Variants in GRIK4 observed in about 807,000 individuals in gnomAD.
The protein encoded by GRIK4 is glutamate receptor ionotropic, kainate 4.
A neutral mutation model predicts 104.9 loss-of-function variants in GRIK4; 40 were observed. The observed-to-expected ratio is 0.38, with a 90% CI of 0.30 to 0.50. GRIK4 has a LOEUF of 0.50. Among genes scored for constraint, GRIK4 ranks in the 20% least tolerant of loss-of-function variants. The pLI, the probability that GRIK4 is intolerant of heterozygous loss-of-function variation, is 0.93. For synonymous variants in GRIK4, 485 were observed against 524.9 expected (o/e 0.92, Z 1.04); for missense variants, 1,047 against 1,308.1 (o/e 0.80, Z 3.08).
intron 1 of GRIK4, among the ~76,000 whole-genome samples, chr11:120,634,607 GGGACCCACTC>G (rs138678816): frequency 0.014 from 2,085 of 152,242 alleles, 121 homozygotes; most frequent in Admixed American, 0.09. Context: ...TGTTCCTCTA[GGGACCCACTC>G]GGAATTGAGT....
chr11:120,573,884 G>A (rs1035762832), intron 1 of GRIK4, among the ~76,000 whole-genome samples: 1 of 152,194 alleles, frequency 6.6e-6, no homozygotes, highest in African/African-American at 2.4e-5. Flanking sequence ...CATCCCAGAG[G>A]CCCACACTGA....
intron 1 of GRIK4, among the ~76,000 whole-genome samples, chr11:120,640,771 C>G (rs866919437): frequency 6.6e-6 from 1 of 151,666 alleles, no homozygotes; most frequent in Admixed American, 6.6e-5. Context: ...TGCTGTGGCG[C>G]GATCTCAGCT....
chr11:120,553,984 C>CT (rs1025565155), intron 1 of GRIK4, among the ~76,000 whole-genome samples: 7 of 152,146 alleles, frequency 4.6e-5, no homozygotes, highest in African/African-American at 1.7e-4. Flanking sequence ...AGAGAAGCCA[C>CT]TTTGGAGGCT....
At chr11:120,644,432 A>G (rs1949515205) in intron 1 of GRIK4, among the ~76,000 whole-genome samples, 1 of 152,172 alleles carries the variant, frequency 6.6e-6, no homozygotes, top group Non-Finnish European at 1.5e-5. Context: ...TAGCCCCGTG[A>G]GGTAGGTACT....
chr11:120,839,654 G>A (rs1953666614), intron 8 of GRIK4, among the ~76,000 whole-genome samples: 2 of 152,220 alleles, frequency 1.3e-5, no homozygotes, highest in South Asian at 4.1e-4. Flanking sequence ...TTCCAGATAA[G>A]AAATAGGACT....
At position 120,905,665 on chromosome 11, in the gene GRIK4, C is replaced by T. The variant is rs1055624702; in HGVS notation, c.1476+172C>T. On this transcript the variant is annotated intron_variant, in intron 13 of 20. Coordinates refer to ENST00000527524, the MANE Select transcript of GRIK4 (RefSeq NM_014619.5). The surrounding 1 kb of genome is among the most constrained non-coding windows in gnomAD (Gnocchi z 5.1). ...TCTTGCCTGGACTGGCACAGACGTG[C>T]GGTGGTGGATAAGCCTGCAATGATC... Among the ~76,000 whole-genome samples the T allele has an allele frequency of 6.6e-6, 1 of 152,168 alleles. No individual in the cohort carries two copies. The highest frequency in any genetic ancestry group is 2.4e-5 in the African/African-American group (1 of 41,426).
chr11:120,943,136 ACACACACACACACACCCC>A (rs1482606480), intron 14 of GRIK4, among the ~76,000 whole-genome samples: 38 of 121,104 alleles, frequency 3.1e-4, no homozygotes, highest in African/African-American at 1.4e-3. Context: ...ACACACACAC[ACACACACACACACACCCC>A]CCTGACTGTT....
intron 11 of GRIK4, among the ~76,000 whole-genome samples, chr11:120,893,316 A>T (rs184432322): frequency 1.8e-3 from 281 of 152,356 alleles, no homozygotes; most frequent in African/African-American, 6.4e-3. Flanking sequence ...GTGCAAACAC[A>T]TCCCATATCG....
At chr11:120,758,344 A>G (rs1478919132) in intron 3 of GRIK4, among the ~76,000 whole-genome samples, 1 of 152,206 alleles carries the variant, frequency 6.6e-6, no homozygotes, top group Admixed American at 6.5e-5. Context: ...GTCTTTTCCC[A>G]AAGGCCCTAA....
chr11:120,822,095 C>T (rs536892026), intron 6 of GRIK4, among the ~76,000 whole-genome samples: 1 of 151,534 alleles, frequency 6.6e-6, no homozygotes, highest in East Asian at 1.9e-4. Context: ...CCTGTAATCC[C>T]AGCTACTTGG....
chr11:120,975,310 G>A lies in GRIK4; in HGVS notation c.2396-6796G>A, dbSNP rs3758887. On this transcript the variant is annotated intron_variant, in intron 19 of 20. Transcript: ENST00000527524. ...TCTCTTTCTTCTCATGGGATCCAGC[G>A]TGGTTATCCTGGTTCTCTGGTTTCT... Among the ~76,000 whole-genome samples the A allele has an allele frequency of 7.2e-4, 110 of 152,298 alleles. 3 individuals carry two copies. In the East Asian group the frequency reaches 0.018, roughly 24 times the overall value.
At position 120,720,704 on chromosome 11, in the gene GRIK4, G is replaced by A. The variant is rs1425013889; in HGVS notation, c.82+60304G>A. On this transcript the variant is annotated intron_variant, in intron 3 of 20. Coordinates refer to ENST00000527524, the MANE Select transcript of GRIK4 (RefSeq NM_014619.5). Reference sequence around the variant, plus strand: ...TGATATTTATTCTGCAAGGGTGGGGGTTAGGGAGGAATAGGGAGGGAGGTA... The same window carrying A: ...TGATATTTATTCTGCAAGGGTGGGGATTAGGGAGGAATAGGGAGGGAGGTA... 2.0e-5 allele frequency among the ~76,000 whole-genome samples: 3 copies of A among 152,126 alleles called. No individual in the cohort carries two copies. In the East Asian group the frequency reaches 5.8e-4, roughly 29 times the overall value.
intron 1 of GRIK4, among the ~76,000 whole-genome samples, chr11:120,638,483 C>CTT (rs34177486): frequency 6.8e-6 from 1 of 146,548 alleles, no homozygotes; most frequent in Non-Finnish European, 1.5e-5. Context: ...TCTTCTTTTG[C>CTT]TTTTTTTTTT....
intron 3 of GRIK4, among the ~76,000 whole-genome samples, chr11:120,732,415 G>A (rs1244836517): frequency 1.3e-5 from 2 of 152,190 alleles, no homozygotes; most frequent in African/African-American, 2.4e-5. Context: ...ACAGGTGTGA[G>A]CCACCATGCC....
intron 12 of GRIK4, among the ~76,000 whole-genome samples, chr11:120,904,129 C>T (rs1392054498): frequency 3.3e-5 from 5 of 152,282 alleles, no homozygotes; most frequent in South Asian, 4.1e-4. Context: ...TTCCCCTTGA[C>T]GGTCTCACAT....
At chr11:120,568,691 A>C (rs990794345) in intron 1 of GRIK4, among the ~76,000 whole-genome samples, 1 of 152,118 alleles carries the variant, frequency 6.6e-6, no homozygotes, top group Non-Finnish European at 1.5e-5. Context: ...CCAGGCCTCC[A>C]GTTACTCTTT....
intron 1 of GRIK4, among the ~76,000 whole-genome samples, chr11:120,622,759 C>T (rs981860770): frequency 6.6e-6 from 1 of 152,204 alleles, no homozygotes; most frequent in Admixed American, 6.5e-5. Context: ...AGGGAGAATG[C>T]GTTCTGTGCC....
intron 1 of GRIK4, among the ~76,000 whole-genome samples, chr11:120,632,754 C>T (rs528570632): frequency 2.0e-5 from 3 of 152,230 alleles, no homozygotes; most frequent in Admixed American, 2.0e-4. Context: ...ACCCCTTGCA[C>T]TACCACCAGC....
intron 19 of GRIK4, among the ~76,000 whole-genome samples, chr11:120,968,753 A>C (rs1420074752): frequency 6.6e-6 from 1 of 152,222 alleles, no homozygotes; most frequent in Non-Finnish European, 1.5e-5. Flanking sequence ...ACCTCATTTC[A>C]GTCTCGTCTC....
Sources: allele counts gnomAD v4.1 joint callset (sites outside exome capture counted in the v4.1 genomes callset), GRCh38; gene constraint gnomAD v4.1.1; non-coding constraint Gnocchi (gnomAD v3.1); transcripts MANE v1.5; gene names NCBI Gene and HGNC (gene_info 2026-07-23, HGNC 2026-07-21).